TCP11L1: variants seen among roughly 807,000 people sequenced by gnomAD.
The protein encoded by TCP11L1 is T-complex protein 11-like protein 1.
A neutral mutation model predicts 48.9 loss-of-function variants in TCP11L1; 28 were observed. That is an observed-to-expected ratio of 0.57 (90% confidence interval 0.42 to 0.78). The LOEUF is 0.78. TCP11L1 is among the 30% of genes least tolerant of loss of function. The probability of loss-of-function intolerance (pLI) is 0.00; values close to 1 mark genes in which losing one functional copy is unlikely to be tolerated. For synonymous variants in TCP11L1, 204 were observed against 231.9 expected (o/e 0.88, Z 1.09); for missense variants, 505 against 613.4 (o/e 0.82, Z 1.87).
At chr11:33,041,910 T>C (rs1276928912) in intron 1 of TCP11L1, among the ~76,000 whole-genome samples, 1 of 152,230 alleles carries the variant, frequency 6.6e-6, no homozygotes, top group Non-Finnish European at 1.5e-5. Context: ...CTAAATCAGT[T>C]GACATTTCTT....
intron 2 of TCP11L1, among the ~76,000 whole-genome samples, chr11:33,051,420 G>T (rs1199847839): frequency 6.6e-6 from 1 of 152,172 alleles, no homozygotes; most frequent in African/African-American, 2.4e-5. Context: ...GCTCGCCTCA[G>T]CCTCCCAAAG....
At chr11:33,052,882 A>G (rs150784238) in intron 2 of TCP11L1, among the ~76,000 whole-genome samples, 291 of 152,270 alleles carry the variant, frequency 1.9e-3, no homozygotes, top group African/African-American at 6.1e-3. Context: ...AGTCCTGGCT[A>G]CTTGGGAGGC....
At position 33,053,664 on chromosome 11, in the gene TCP11L1, C is replaced by G. The variant is rs73487400; in HGVS notation, c.164-929C>G. Among the ~76,000 whole-genome samples the G allele has an allele frequency of 6.4e-3, 972 of 152,266 alleles. 5 individuals are homozygous for G. The highest frequency in any genetic ancestry group is 0.022 in the African/African-American group (911 of 41,556). ...CAAAGTTTTTGATTCACTGGATCAG[C>G]ATTCTAGAAAATTCTTGTGTCACAC... On this transcript the variant is annotated intron_variant, in intron 2 of 9. Coordinates refer to ENST00000334274, the MANE Select transcript of TCP11L1 (RefSeq NM_018393.4).
intron 3 of TCP11L1, chr11:33,056,679 G>T: frequency 7.9e-6 from 2 of 251,928 alleles, no homozygotes; most frequent in East Asian, 1.3e-4. Context: ...CCTCACCTCA[G>T]GTGAACTGCC....
Position 33,073,070 on chromosome 11 carries a change from G to T in TCP11L1, c.*394G>T. 1 of 228,576 alleles carries T rather than the reference G, an allele frequency of 4.4e-6. No individual in the cohort carries two copies. The highest frequency in any genetic ancestry group is 8.7e-6 in the Non-Finnish European group (1 of 114,584). The allele number at this position is 228,576 out of a possible 1,614,324, so 14.2% of individuals were successfully genotyped here. ...CAAGCGCAAAAGAGACCAAGCCATG[G>T]CCTCACCTCCTGCCCTCCCTCAGAC... On this transcript the variant is annotated 3_prime_UTR_variant, in exon 10 of 10. Coordinates refer to ENST00000334274, the MANE Select transcript of TCP11L1 (RefSeq NM_018393.4).
intron 9 of TCP11L1, among the ~76,000 whole-genome samples, chr11:33,071,953 C>A (rs577392513): frequency 1.3e-5 from 2 of 152,250 alleles, no homozygotes; most frequent in African/African-American, 4.8e-5. Context: ...TCAAGTGATT[C>A]TTGTGCCTCA....
chr11:33,044,021 G>T, intron 2 of TCP11L1, 85 bp downstream of exon 2: 1 of 1,339,780 alleles, frequency 7.5e-7, no homozygotes, highest in Non-Finnish European at 1.0e-6. Context: ...GCATGTGGCC[G>T]TGAGCTAGGT....
At chr11:33,067,698 T>G (rs879472909) in intron 8 of TCP11L1, among the ~76,000 whole-genome samples, 5 of 152,128 alleles carry the variant, frequency 3.3e-5, no homozygotes, top group Non-Finnish European at 4.4e-5. Flanking sequence ...GTGCCAATGG[T>G]GAGTGCCAGG....
chr11:33,039,829 C>G (rs1222356557), intron 1 of TCP11L1, 37 bp downstream of exon 1: 1 of 152,526 alleles, frequency 6.6e-6, no homozygotes, highest in Non-Finnish European at 1.5e-5. Context: ...TGGCGGGGCC[C>G]GTCCGGGAGG....
chr11:33,058,566 T>C (rs1854382371), intron 5 of TCP11L1, among the ~76,000 whole-genome samples: 1 of 152,036 alleles, frequency 6.6e-6, no homozygotes, highest in Admixed American at 6.6e-5. Flanking sequence ...AAAAAAAATT[T>C]GTAAAATGCA....
At chr11:33,067,801 G>A (rs1854660188) in intron 8 of TCP11L1, among the ~76,000 whole-genome samples, 1 of 152,126 alleles carries the variant, frequency 6.6e-6, no homozygotes, top group Admixed American at 6.5e-5. Flanking sequence ...TGCCAGCATG[G>A]GGGCTCCCCA....
At chr11:33,046,106 G>C (rs1029760643) in intron 2 of TCP11L1, among the ~76,000 whole-genome samples, 1 of 152,248 alleles carries the variant, frequency 6.6e-6, no homozygotes, top group African/African-American at 2.4e-5. Flanking sequence ...TATGCCCTGG[G>C]CTTAGATTAT....
chr11:33,055,814 ATTGTTG>A (rs562590584), intron 3 of TCP11L1, among the ~76,000 whole-genome samples: 10 of 152,090 alleles, frequency 6.6e-5, no homozygotes, highest in Non-Finnish European at 1.0e-4. Context: ...AGACATTTTT[ATTGTTG>A]TTGTTGTTGT....
intron 2 of TCP11L1, among the ~76,000 whole-genome samples, chr11:33,050,399 C>A (rs911516673): frequency 6.6e-6 from 1 of 151,782 alleles, no homozygotes; most frequent in Non-Finnish European, 1.5e-5. Flanking sequence ...GATAATAACA[C>A]CTGATGCTTG....
At chr11:33,052,792 C>T (rs4756428) in intron 2 of TCP11L1, among the ~76,000 whole-genome samples, 44,685 of 151,698 alleles carry the variant, frequency 0.29, 6,963 homozygotes, top group East Asian at 0.42. Context: ...CTCAGGAGTT[C>T]GAGACCAGCC....
At chr11:33,043,474 T>A (rs1853898614) in intron 1 of TCP11L1, among the ~76,000 whole-genome samples, 1 of 152,228 alleles carries the variant, frequency 6.6e-6, no homozygotes, top group Non-Finnish European at 1.5e-5. Flanking sequence ...AGGCCCTGTA[T>A]TCTTGAAACA....
Position 33,042,539 on chromosome 11 carries a change from A to G in TCP11L1, c.-24-1211A>G, listed in dbSNP as rs138150961. Among the ~76,000 whole-genome samples, 12 of 152,284 alleles carry G rather than the reference A, an allele frequency of 7.9e-5. No homozygotes were observed. The East Asian group carries it at 2.1e-3, about 27-fold the overall frequency. On this transcript the variant is annotated intron_variant, in intron 1 of 9. Transcript: ENST00000334274. ...AAAAGCCCACCCAACTGCATACATT[A>G]TGGTTGTTTGCAGCTTCTTACTCAC...
chr11:33,068,886 GGA>G, intron 9 of TCP11L1, 27 bp downstream of exon 9: 1 of 1,601,624 alleles, frequency 6.2e-7, no homozygotes, highest in Non-Finnish European at 8.5e-7. Flanking sequence ...CAGGCAGCAG[GGA>G]TGTGCCCTCT....
At chr11:33,053,144 C>CTTTT in intron 2 of TCP11L1, among the ~76,000 whole-genome samples, 1 of 116,212 alleles carries the variant, frequency 8.6e-6, no homozygotes, top group Non-Finnish European at 1.7e-5. Flanking sequence ...CTATCAGAGA[C>CTTTT]TTTTTTTTTT....
Sources: allele counts gnomAD v4.1 joint callset (sites outside exome capture counted in the v4.1 genomes callset), GRCh38; gene constraint gnomAD v4.1.1; transcripts MANE v1.5; gene names NCBI Gene and HGNC (gene_info 2026-07-23, HGNC 2026-07-21).